The following SGCZ variants were observed in gnomAD, a reference collection of about 807,000 sequenced individuals.
SGCZ encodes zeta-sarcoglycan.
Under a neutral mutation model 41.3 loss-of-function variants are expected in SGCZ, and 40 were observed. The ratio of observed to expected loss-of-function variants is 0.97; its 90% confidence interval spans 0.75 to 1.26. The LOEUF is 1.26. Among genes scored for constraint, SGCZ ranks in the 50% most tolerant of loss-of-function variants. The pLI, the probability that SGCZ is intolerant of heterozygous loss-of-function variation, is 0.00. For synonymous variants in SGCZ, 206 were observed against 137.5 expected (o/e 1.50, Z -3.49); for missense variants, 552 against 369.8 (o/e 1.49, Z -4.04).
Position 14,183,994 on chromosome 8 carries a change from G to A in SGCZ, c.425-19292C>T, listed in dbSNP as rs533455853. Among the ~76,000 whole-genome samples the A allele has an allele frequency of 2.0e-5, 3 of 152,158 alleles. No homozygotes were observed. The South Asian group carries it at 6.2e-4, about 32-fold the overall frequency. On this transcript the variant is annotated intron_variant, in intron 4 of 7. Transcript: ENST00000382080. ...AACTTAGCAACGTCTCTGAATACAAGGCCAATATATAAATATCGATTTTAT... is the reference window on the plus strand; with the variant it reads ...AACTTAGCAACGTCTCTGAATACAAAGCCAATATATAAATATCGATTTTAT...
chr8:14,546,876 T>A (rs557646541), intron 2 of SGCZ, among the ~76,000 whole-genome samples: 5 of 152,186 alleles, frequency 3.3e-5, no homozygotes, highest in African/African-American at 9.7e-5. Flanking sequence ...CCCATGCTTT[T>A]ACTCTTGTTC....
chr8:14,646,148 G>C (rs558877287), intron 1 of SGCZ, among the ~76,000 whole-genome samples: 1 of 151,960 alleles, frequency 6.6e-6, no homozygotes, highest in East Asian at 1.9e-4. Context: ...GGGTACAACT[G>C]CACCCAGATA....
At chr8:14,628,921 A>G (rs866425693) in intron 1 of SGCZ, among the ~76,000 whole-genome samples, 72 of 152,134 alleles carry the variant, frequency 4.7e-4, no homozygotes, top group African/African-American at 1.7e-3. Flanking sequence ...AATAAAAACC[A>G]TCTGTACTTT....
Position 14,745,682 on chromosome 8 carries a change from T to C in SGCZ, c.40-190756A>G, listed in dbSNP as rs905038443. ...ACACACATACATATACGTATCTATA[T>C]ACATACATGCCATATATATATATGG... is the stretch of plus-strand genomic sequence containing the variant. On this transcript the variant is annotated intron_variant, in intron 1 of 7. Transcript: ENST00000382080. Among the ~76,000 whole-genome samples the C allele has an allele frequency of 3.3e-5, 5 of 152,048 alleles. No homozygotes were observed. The East Asian group carries it at 9.6e-4, about 29-fold the overall frequency.
rs554560905 is a variant in SGCZ at position 14,842,941 on chromosome 8, G to A, written c.40-288015C>T. On this transcript the variant is annotated intron_variant, in intron 1 of 7. Coordinates refer to ENST00000382080, the MANE Select transcript of SGCZ (RefSeq NM_139167.4). ...CTTATTAGAACCCTTGCCTGGGCAC[G>A]GTGGCTCATGCCTGTAATCCCAGCA... Among the ~76,000 whole-genome samples, 9 of 152,224 alleles carry A rather than the reference G, an allele frequency of 5.9e-5. No individual in the cohort carries two copies. In the South Asian group the frequency reaches 6.2e-4, roughly 11 times the overall value.
rs1392278069 is a variant in SGCZ, at chr8:15,081,361, A to G, written c.39+156224T>C. ...CATTTTTACTTTTAAGTTTTTCTCAATTTTTTAAATGTTTTAACGTTTTAA... is the reference window on the plus strand; with the variant it reads ...CATTTTTACTTTTAAGTTTTTCTCAGTTTTTTAAATGTTTTAACGTTTTAA... On this transcript the variant is annotated intron_variant, in intron 1 of 7. Coordinates refer to ENST00000382080, the MANE Select transcript of SGCZ (RefSeq NM_139167.4). Among the ~76,000 whole-genome samples, 5 of 152,214 alleles carry G rather than the reference A, an allele frequency of 3.3e-5. No homozygotes were observed. In the East Asian group the frequency reaches 7.7e-4, roughly 24 times the overall value.
Position 14,264,399 on chromosome 8 carries a change from G to A in SGCZ, c.337-26720C>T, listed in dbSNP as rs1799797997. On this transcript the variant is annotated intron_variant, in intron 3 of 7. Transcript: ENST00000382080. ...CTCTAGGCTGGTTACTGTGGATGGAGCATCTGGATCTTCCTCAGCCTCAGA... is the reference window on the plus strand; with the variant it reads ...CTCTAGGCTGGTTACTGTGGATGGAACATCTGGATCTTCCTCAGCCTCAGA... Among the ~76,000 whole-genome samples, 4 of 152,128 alleles carry A rather than the reference G, an allele frequency of 2.6e-5. No homozygotes were observed. In the South Asian group the frequency reaches 8.3e-4, roughly 31 times the overall value.
Position 14,742,062 on chromosome 8 carries a change from G to A in SGCZ, c.40-187136C>T, listed in dbSNP as rs552374802. On this transcript the variant is annotated intron_variant, in intron 1 of 7. Coordinates refer to ENST00000382080, the MANE Select transcript of SGCZ (RefSeq NM_139167.4). Reference sequence around the variant, plus strand: ...CAATAGTAAGAAAATGATAACTGGAGTATAGTACTGATTTAGAGGGAAAAA... The same window carrying A: ...CAATAGTAAGAAAATGATAACTGGAATATAGTACTGATTTAGAGGGAAAAA... Among the ~76,000 whole-genome samples, 3 of 152,028 alleles carry A rather than the reference G, an allele frequency of 2.0e-5. No individual in the cohort carries two copies. In the East Asian group the frequency reaches 5.8e-4, roughly 29 times the overall value.
chr8:14,144,926 T>C (rs1217806039), intron 5 of SGCZ, among the ~76,000 whole-genome samples: 1 of 152,066 alleles, frequency 6.6e-6, no homozygotes, highest in South Asian at 2.1e-4. Flanking sequence ...GTGGGAAGGA[T>C]TGCATCTTGT....
chr8:14,546,079 T>C (rs1389966892), intron 2 of SGCZ, among the ~76,000 whole-genome samples: 1 of 152,150 alleles, frequency 6.6e-6, no homozygotes, highest in Non-Finnish European at 1.5e-5. Context: ...CAGAAAATCA[T>C]GAGGAGCTGC....
At chr8:14,815,705 G>A (rs986081931) in intron 1 of SGCZ, among the ~76,000 whole-genome samples, 1 of 152,154 alleles carries the variant, frequency 6.6e-6, no homozygotes, top group African/African-American at 2.4e-5. Context: ...AGCATGAGGA[G>A]TCTAACCAGA....
chr8:14,575,184 C>T (rs137994668), intron 1 of SGCZ, among the ~76,000 whole-genome samples: 1 of 152,004 alleles, frequency 6.6e-6, no homozygotes, highest in Non-Finnish European at 1.5e-5. Context: ...CAGTAGTTAC[C>T]TTTTAAGATG....
intron 1 of SGCZ, among the ~76,000 whole-genome samples, chr8:14,805,935 G>A (rs371603909): frequency 4.7e-4 from 69 of 146,382 alleles, no homozygotes; most frequent in Non-Finnish European, 7.0e-4. Context: ...CTCACTCAAA[G>A]CCGCTCAACT....
At chr8:14,194,804 T>A (rs1805213625) in intron 4 of SGCZ, among the ~76,000 whole-genome samples, 3 of 151,908 alleles carry the variant, frequency 2.0e-5, no homozygotes. Flanking sequence ...GAGCTGTGAA[T>A]AGTGCCTACT....
intron 1 of SGCZ, among the ~76,000 whole-genome samples, chr8:14,565,586 G>A (rs966571313): frequency 6.6e-6 from 1 of 152,044 alleles, no homozygotes; most frequent in Non-Finnish European, 1.5e-5. Context: ...AGCAGGGGAA[G>A]AAGGAAAAAT....
intron 7 of SGCZ, among the ~76,000 whole-genome samples, chr8:14,097,318 G>T (rs1801876608): frequency 6.6e-6 from 1 of 152,182 alleles, no homozygotes; most frequent in Admixed American, 6.5e-5. Flanking sequence ...TGGTTTCAAA[G>T]AACATCTTTC....
intron 2 of SGCZ, among the ~76,000 whole-genome samples, chr8:14,343,564 T>C (rs1181746171): frequency 1.3e-5 from 2 of 152,196 alleles, no homozygotes; most frequent in Non-Finnish European, 2.9e-5. Context: ...CAAGAAAATG[T>C]TCAGAAATAG....
intron 1 of SGCZ, among the ~76,000 whole-genome samples, chr8:14,845,287 C>G (rs1344949960): frequency 6.6e-6 from 1 of 152,124 alleles, no homozygotes; most frequent in South Asian, 2.1e-4. Context: ...TATTCCTACA[C>G]TGAGTACTGC....
At chr8:14,786,274 T>A (rs917013244) in intron 1 of SGCZ, among the ~76,000 whole-genome samples, 3 of 152,126 alleles carry the variant, frequency 2.0e-5, no homozygotes, top group Admixed American at 2.0e-4. Flanking sequence ...TAAATACAAA[T>A]GAGCATTTAC....
Sources: gnomAD v4.1 joint callset for allele counts (sites outside exome capture counted in the v4.1 genomes callset) on GRCh38, gnomAD v4.1.1 for gene constraint, MANE v1.5 for transcripts, NCBI Gene and HGNC (gene_info 2026-07-23, HGNC 2026-07-21) for gene names.